Variants in EYA2 observed in about 807,000 individuals in gnomAD.
EYA2 encodes EYA transcriptional coactivator and phosphatase 2, also known as protein phosphatase EYA2.
In EYA2, 31 loss-of-function variants were observed where a neutral mutation model predicts 69.2. The observed-to-expected ratio is 0.45, with a 90% confidence interval of 0.34 to 0.60. EYA2 has a LOEUF of 0.60. Ranked by LOEUF, EYA2 falls within the 20% of genes least tolerant of loss-of-function variation. The pLI is 0.02. For missense variants in EYA2, 622 were observed against 701.2 expected (o/e 0.89, Z 1.28); for synonymous variants, 257 against 279.4 (o/e 0.92, Z 0.80).
At chr20:47,176,873 C>T (rs886416539) in intron 12 of EYA2, among the ~76,000 whole-genome samples, 3 of 151,690 alleles carry the variant, frequency 2.0e-5, no homozygotes, top group East Asian at 3.9e-4. Flanking sequence ...CTCACTGCAA[C>T]CTCCGCCTCC....
intron 5 of EYA2, among the ~76,000 whole-genome samples, chr20:47,047,754 C>T (rs2030120490): frequency 1.3e-5 from 2 of 151,958 alleles, no homozygotes; most frequent in African/African-American, 4.8e-5. Context: ...CAAAGTGCCA[C>T]ACAGTTAATA....
In EYA2 at chr20:47,179,919, G is replaced by A. The variant is rs775077796; in HGVS notation, c.1313+7G>A. 8.6e-5 allele frequency: 139 copies of A among 1,609,448 alleles called. No homozygotes were observed. The South Asian group carries it at 1.5e-3, about 17-fold the overall frequency. ...TAAACCTCATCAACTCCCGGCAAGT[G>A]GCAGCCCTCATTTTCCTCTGTGCCA... On this transcript the variant is annotated splice_region_variant and intron_variant, in intron 13 of 15. Coordinates refer to ENST00000327619, the MANE Select transcript of EYA2 (RefSeq NM_005244.5).
intron 1 of EYA2, among the ~76,000 whole-genome samples, chr20:46,951,922 T>C (rs1197143305): frequency 6.6e-6 from 1 of 152,190 alleles, no homozygotes; most frequent in Non-Finnish European, 1.5e-5. Context: ...ACATTGTCAG[T>C]TTCCCTCTCT....
chr20:46,994,539 A>G (rs951148531), intron 2 of EYA2, among the ~76,000 whole-genome samples: 3 of 152,306 alleles, frequency 2.0e-5, no homozygotes, highest in Admixed American at 6.5e-5. Context: ...TGCCCTGGGC[A>G]TGACAAGACC....
intron 1 of EYA2, among the ~76,000 whole-genome samples, chr20:46,967,758 A>G (rs1468906804): frequency 6.6e-6 from 1 of 152,180 alleles, no homozygotes; most frequent in East Asian, 1.9e-4. Flanking sequence ...GGTGCACAGC[A>G]GTGCTGCACT....
chr20:47,032,873 C>T (rs1040331691), intron 5 of EYA2, among the ~76,000 whole-genome samples: 1 of 152,228 alleles, frequency 6.6e-6, no homozygotes, highest in African/African-American at 2.4e-5. Flanking sequence ...GACAAAACTT[C>T]CCACATTTCA....
At chr20:47,073,298 A>G (rs990010878) in intron 6 of EYA2, among the ~76,000 whole-genome samples, 6 of 152,186 alleles carry the variant, frequency 3.9e-5, no homozygotes, top group African/African-American at 1.4e-4. Context: ...CTGCTTAAAC[A>G]AAGCTTGATC....
chr20:47,115,979 T>C (rs1253554339), intron 9 of EYA2, among the ~76,000 whole-genome samples: 3 of 152,142 alleles, frequency 2.0e-5, no homozygotes, highest in Admixed American at 6.5e-5. Flanking sequence ...AGAACACTCT[T>C]CCTACCCTCC....
At chr20:46,960,111 A>C (rs73305640) in intron 1 of EYA2, among the ~76,000 whole-genome samples, 4,950 of 152,218 alleles carry the variant, frequency 0.033, 247 homozygotes, top group African/African-American at 0.11. Flanking sequence ...ATTTTGTTTT[A>C]TTTTTCTATC....
At chr20:47,060,197 G>A (rs1457865777) in intron 5 of EYA2, among the ~76,000 whole-genome samples, 1 of 152,152 alleles carries the variant, frequency 6.6e-6, no homozygotes, top group Admixed American at 6.5e-5. Flanking sequence ...ACTAATATTG[G>A]CTAAACTATA....
intron 9 of EYA2, among the ~76,000 whole-genome samples, chr20:47,098,764 G>T (rs2032335928): frequency 6.6e-6 from 1 of 152,118 alleles, no homozygotes; most frequent in Non-Finnish European, 1.5e-5. Flanking sequence ...CCCCTACATT[G>T]GAGTCATCCT....
Position 46,907,399 on chromosome 20 carries a change from G to A in EYA2, c.-11+12412G>A, listed in dbSNP as rs532154211. ...CTACAAGCCATTGATGTTAGAATCT[G>A]TCCAGGTGAGGAAGCAGCAGCCTGT... On this transcript the variant is annotated intron_variant, in intron 1 of 15. Transcript: ENST00000327619. Among the ~76,000 whole-genome samples the A allele has an allele frequency of 2.6e-5, 4 of 152,360 alleles. No homozygotes were observed. In the South Asian group the frequency reaches 6.2e-4, roughly 24 times the overall value.
At chr20:46,922,999 C>G (rs568259547) in intron 1 of EYA2, among the ~76,000 whole-genome samples, 2 of 152,278 alleles carry the variant, frequency 1.3e-5, no homozygotes, top group East Asian at 3.9e-4. Flanking sequence ...GAATGAGGAA[C>G]ATTCCATTTC....
intron 8 of EYA2, among the ~76,000 whole-genome samples, chr20:47,096,505 G>A (rs2032250977): frequency 6.6e-6 from 1 of 152,090 alleles, no homozygotes; most frequent in South Asian, 2.1e-4. Context: ...TTTAGCCAAG[G>A]GAGAATGTCC....
intron 7 of EYA2, among the ~76,000 whole-genome samples, chr20:47,075,729 G>A (rs964261326): frequency 2.0e-5 from 3 of 152,038 alleles, no homozygotes; most frequent in Non-Finnish European, 2.9e-5. Context: ...TAGGTTTGGG[G>A]TACACATGCA....
In EYA2 at chr20:47,130,413, C is replaced by T. The variant is rs1364982085; in HGVS notation, c.889-12646C>T. ...CCGAGTAGCTGGGACTACAGGCGCC[C>T]GCCATCACGCCCCGCTAATTTTTTT... is the stretch of plus-strand genomic sequence containing the variant. On this transcript the variant is annotated intron_variant, in intron 9 of 15. Coordinates refer to ENST00000327619, the MANE Select transcript of EYA2 (RefSeq NM_005244.5). Among the ~76,000 whole-genome samples, 4 of 150,494 alleles carry T rather than the reference C, an allele frequency of 2.7e-5. No individual in the cohort carries two copies. In the South Asian group the frequency reaches 6.3e-4, roughly 24 times the overall value.
At chr20:47,053,681 A>AAG in intron 5 of EYA2, among the ~76,000 whole-genome samples, 1 of 150,980 alleles carries the variant, frequency 6.6e-6, no homozygotes, top group Non-Finnish European at 1.5e-5. Context: ...AAAAAAAAAA[A>AAG]AAAAAGAGTA....
rs150624853 is a variant in EYA2, at chr20:47,065,616, A to G, written c.416-6569A>G. 5.8e-3 allele frequency among the ~76,000 whole-genome samples: 879 copies of G among 152,350 alleles called. 7 individuals are homozygous for G. The highest frequency in any genetic ancestry group is 0.02 in the African/African-American group (843 of 41,566). ...GTTTAATTTTTATTTTATAATTTTT[A>G]ATAAATTAAAAGCGTGATTTTTTTA... On this transcript the variant is annotated intron_variant, in intron 5 of 15. Coordinates refer to ENST00000327619, the MANE Select transcript of EYA2 (RefSeq NM_005244.5).
chr20:47,091,778 A>C (rs1265621939), intron 8 of EYA2, among the ~76,000 whole-genome samples: 1 of 152,304 alleles, frequency 6.6e-6, no homozygotes, highest in African/African-American at 2.4e-5. Context: ...TACTTAAGCA[A>C]AAATGAATTT....
Sources: allele counts gnomAD v4.1 joint callset (sites outside exome capture counted in the v4.1 genomes callset), GRCh38; gene constraint gnomAD v4.1.1; transcripts MANE v1.5; gene names NCBI Gene and HGNC (gene_info 2026-07-23, HGNC 2026-07-21).